Variants in GARNL3 observed in about 807,000 individuals in gnomAD.
The protein encoded by GARNL3 is GTPase-activating Rap/Ran-GAP domain-like protein 3.
In GARNL3, 63 loss-of-function variants were observed where a neutral mutation model predicts 125.0. That is an observed-to-expected ratio of 0.50 (90% CI 0.41 to 0.62). GARNL3 has a LOEUF of 0.62. Among genes scored for constraint, GARNL3 ranks in the 20% least tolerant of loss-of-function variants. The pLI is 0.00. For synonymous variants in GARNL3, 439 were observed against 457.5 expected (o/e 0.96, Z 0.52); for missense variants, 994 against 1,244.0 (o/e 0.80, Z 3.02).
intron 1 of GARNL3, among the ~76,000 whole-genome samples, chr9:127,287,213 G>A (rs954050627): frequency 2.6e-5 from 4 of 152,136 alleles, no homozygotes; most frequent in African/African-American, 9.7e-5. Context: ...TGGCGAGAGT[G>A]GATTTTGGTG....
At position 127,276,172 on chromosome 9, in the gene GARNL3, T is replaced by C. The variant is rs1024757563; in HGVS notation, c.144+11151T>C. ...ATTTTGAATTGATTGATTGATTGTA[T>C]AGATGGGGTCTCATTATGTTATCCA... On this transcript the variant is annotated intron_variant, in intron 1 of 27. Coordinates refer to ENST00000373387, the MANE Select transcript of GARNL3 (RefSeq NM_032293.5). Among the ~76,000 whole-genome samples the C allele has an allele frequency of 5.3e-5, 8 of 151,988 alleles. No homozygotes were observed. In the East Asian group the frequency reaches 1.4e-3, roughly 26 times the overall value.
At chr9:127,323,764 T>C (rs886733898) in intron 6 of GARNL3, among the ~76,000 whole-genome samples, 75 of 151,100 alleles carry the variant, frequency 5.0e-4, no homozygotes, top group African/African-American at 1.7e-3. Flanking sequence ...CCCCCATAAA[T>C]ATATATATAT....
At chr9:127,361,776 G>GCCAAGTA (rs1254226360) in intron 21 of GARNL3, 1 of 152,182 alleles carries the variant, frequency 6.6e-6, no homozygotes, top group African/African-American at 2.4e-5. Context: ...CTTACTTGAT[G>GCCAAGTA]CCAAGTACCC....
chr9:127,341,553 T>G (rs969564034), intron 13 of GARNL3, among the ~76,000 whole-genome samples: 4 of 151,936 alleles, frequency 2.6e-5, no homozygotes, highest in African/African-American at 9.7e-5. Context: ...TGAAACAGAG[T>G]CAGCAACAGA....
chr9:127,336,188 G>A lies in GARNL3; in HGVS notation c.934G>A (p.Glu312Lys), dbSNP rs1364476162. 2 of 1,613,934 alleles carry A rather than the reference G, an allele frequency of 1.2e-6. No homozygotes were observed. The highest frequency in any genetic ancestry group is 2.2e-5 in the South Asian group (2 of 91,086). The change falls in exon 11 of 28, where the codon GAA (glutamate) becomes AAA (lysine). Residue 312 changes from glutamate (E) to lysine (K), a missense_variant. This residue lies in a region of GARNL3 where 728 missense variants were observed against 865.7 expected (regional missense o/e 0.84). Coordinates refer to ENST00000373387, the MANE Select transcript of GARNL3 (RefSeq NM_032293.5). ...CACCATTGTGTTCCAAGAAGGAGAG[G>A]AATCTTCTCCTGCCTTTAAGCCTTC... The part of the protein sequence containing the change: ...IVTIVFQEGE[E>K]SSPAFKPSMI...
intron 2 of GARNL3, among the ~76,000 whole-genome samples, chr9:127,298,111 C>T (rs1290716171): frequency 2.0e-5 from 3 of 152,186 alleles, no homozygotes; most frequent in Admixed American, 2.0e-4. Flanking sequence ...AAATAAATGT[C>T]TAAAATGTAT....
chr9:127,364,029 A>T lies in GARNL3; in HGVS notation c.2095-1271A>T, dbSNP rs949114306. On this transcript the variant is annotated intron_variant, in intron 21 of 27. Transcript: ENST00000373387. This position sits in a 1 kb window ranked among gnomAD's most constrained non-coding sequence, Gnocchi z 4.2. ...CTAAGCCATTTGCCACACACCACAGAGGCAGTAAGTGGCCTAGACAGGGCT... is the reference window on the plus strand; with the variant it reads ...CTAAGCCATTTGCCACACACCACAGTGGCAGTAAGTGGCCTAGACAGGGCT... The T allele has an allele frequency of 1.3e-5, 2 of 152,212 alleles. No individual in the cohort carries two copies. Among genetic ancestry groups the T allele is most frequent in the African/African-American group, 4.8e-5 (2 of 41,418 alleles). The allele number at this position is 152,212 out of a possible 1,614,324, so 9.4% of individuals were successfully genotyped here. A position where few individuals can be genotyped will look rare whatever the true frequency, so the allele number is the denominator to read the frequency against.
At chr9:127,299,760 C>T (rs190348792) in intron 2 of GARNL3, among the ~76,000 whole-genome samples, 106 of 152,122 alleles carry the variant, frequency 7.0e-4, no homozygotes, top group African/African-American at 2.4e-3. Context: ...TAGTAGAGAC[C>T]GGTTTCACCA....
In GARNL3 at chr9:127,390,741, G is replaced by A; in HGVS notation, c.2844G>A (p.Gly948=). Reference sequence around the variant, plus strand: ...AAAGCCAAGGAGGCCCCAAGCCAGGGGCAGTGAGGTCATCTAGCAGTGACA... The same window carrying A: ...AAAGCCAAGGAGGCCCCAAGCCAGGAGCAGTGAGGTCATCTAGCAGTGACA... ...LEESQGGPKP[G]AVRSSSSDRI... Residue 948 remains glycine, a synonymous_variant, in exon 27 of 28, where the codon GGG becomes GGA. Coordinates refer to ENST00000373387, the MANE Select transcript of GARNL3 (RefSeq NM_032293.5). 1 of 1,613,844 alleles carries A rather than the reference G, an allele frequency of 6.2e-7. No homozygotes were observed. Among genetic ancestry groups the A allele is most frequent in the Non-Finnish European group, 8.5e-7 (1 of 1,179,818 alleles).
At chr9:127,339,174 G>A (rs1829720843) in intron 12 of GARNL3, among the ~76,000 whole-genome samples, 1 of 152,084 alleles carries the variant, frequency 6.6e-6, no homozygotes, top group Admixed American at 6.5e-5. Context: ...GCAGGTGCCT[G>A]TAGTCCCAGC....
chr9:127,389,000 T>C lies in GARNL3; in HGVS notation c.2624T>C (p.Val875Ala), dbSNP rs1169857272. Residue 875 changes from valine (V) to alanine (A), a missense_variant, in exon 26 of 28, where the codon GTC becomes GCC. This residue lies in a region of GARNL3 where 728 missense variants were observed against 865.7 expected (regional missense o/e 0.84). Coordinates refer to ENST00000373387, the MANE Select transcript of GARNL3 (RefSeq NM_032293.5). ...CTGAAGTCACCCTTAGTCTCCAAGG[T>C]CATCACCCCACCCACTCCCATCAGT... ...RPLKSPLVSKVITPPTPISVG... is the reference protein window; with the variant it reads ...RPLKSPLVSKAITPPTPISVG... 1 of 1,613,866 alleles carries C rather than the reference T, an allele frequency of 6.2e-7. No homozygotes were observed. Among genetic ancestry groups the C allele is most frequent in the South Asian group, 1.1e-5 (1 of 91,080 alleles).
intron 1 of GARNL3, among the ~76,000 whole-genome samples, chr9:127,226,731 A>G (rs75982651): frequency 6.6e-6 from 1 of 152,218 alleles, no homozygotes; most frequent in African/African-American, 2.4e-5. Flanking sequence ...AGTCCACATA[A>G]CACTGCGTGT....
At chr9:127,251,368 C>G (rs1236125627) in intron 2 of GARNL3, among the ~76,000 whole-genome samples, 2 of 152,172 alleles carry the variant, frequency 1.3e-5, no homozygotes, top group Non-Finnish European at 1.5e-5. Flanking sequence ...CCTCATCACT[C>G]TCAATCACCA....
intron 2 of GARNL3, among the ~76,000 whole-genome samples, chr9:127,253,030 G>A (rs2063433535): frequency 6.6e-6 from 1 of 152,184 alleles, no homozygotes; most frequent in African/African-American, 2.4e-5. Context: ...AATTTTTTGA[G>A]ATGAACCTGA....
Position 127,243,345 on chromosome 9 carries a change from G to T in GARNL3, c.143+96G>T, listed in dbSNP as rs2063236928. The stretch of plus-strand genomic sequence containing the variant: ...TAGGAAGAATATACTTTTTACTTCT[G>T]GGGGGATAGTGGGGAGGGAGAGAGG... On this transcript the variant is annotated intron_variant, in intron 2 of 10. Transcript: ENST00000439286. 2.9e-6 allele frequency: 3 copies of T among 1,026,510 alleles called. No homozygotes were observed. In the African/African-American group the frequency reaches 4.9e-5, roughly 17 times the overall value. The allele number at this position is 1,026,510 out of a possible 1,614,324, so 63.6% of individuals were successfully genotyped here. A position where few individuals can be genotyped will look rare whatever the true frequency, so the allele number is the denominator to read the frequency against.
chr9:127,250,680 G>A (rs2063385529), intron 2 of GARNL3, among the ~76,000 whole-genome samples: 1 of 152,214 alleles, frequency 6.6e-6, no homozygotes, highest in African/African-American at 2.4e-5. Flanking sequence ...CTCAGGCACA[G>A]TCGAGATTTT....
At chr9:127,230,682 A>C (rs1049962056) in intron 1 of GARNL3, among the ~76,000 whole-genome samples, 1 of 151,024 alleles carries the variant, frequency 6.6e-6, no homozygotes, top group Non-Finnish European at 1.5e-5. Context: ...AGACGTTTAC[A>C]TAAAAATTCT....
chr9:127,347,083 A>T (rs16929793), intron 16 of GARNL3, among the ~76,000 whole-genome samples: 2 of 152,008 alleles, frequency 1.3e-5, no homozygotes, highest in Non-Finnish European at 2.9e-5. Flanking sequence ...TCACATGGTC[A>T]CTGGCACCCG....
At chr9:127,300,428 T>G (rs897875679) in intron 2 of GARNL3, 1 of 412,238 alleles carries the variant, frequency 2.4e-6, no homozygotes, top group Non-Finnish European at 4.7e-6. Flanking sequence ...CCCCTGCTGT[T>G]CCTTGACCCT....
Sources: gnomAD v4.1 joint callset for allele counts (sites outside exome capture counted in the v4.1 genomes callset) on GRCh38, gnomAD v4.1.1 for gene constraint, gnomAD v4.1.1 regional missense constraint, Gnocchi (gnomAD v3.1) non-coding constraint, MANE v1.5 for transcripts, NCBI Gene and HGNC (gene_info 2026-07-23, HGNC 2026-07-21) for gene names.